Variants in FAM91A1 observed in about 807,000 individuals in gnomAD.
FAM91A1 encodes family with sequence similarity 91 member A1.
In FAM91A1, 41 loss-of-function variants were observed where a neutral mutation model predicts 113.5. The ratio of observed to expected loss-of-function variants is 0.36; its 90% confidence interval spans 0.28 to 0.47. The LOEUF is 0.47. Among genes scored for constraint, FAM91A1 ranks in the 20% least tolerant of loss-of-function variants. The pLI, the probability that FAM91A1 is intolerant of heterozygous loss-of-function variation, is 1.00. For synonymous variants in FAM91A1, 307 were observed against 347.9 expected, an observed-to-expected ratio of 0.88 and a Z score of 1.31; for missense variants, 696 against 1,001.2, an observed-to-expected ratio of 0.70 and a Z score of 4.11.
Position 123,813,643 on chromosome 8 carries a change from C to T in FAM91A1, c.*939C>T, listed in dbSNP as rs1206311929. 2 of 152,166 alleles carry T rather than the reference C, an allele frequency of 1.3e-5. No homozygotes were observed. The highest frequency in any genetic ancestry group is 2.9e-5 in the Non-Finnish European group (2 of 68,022). 9.4% of individuals were successfully genotyped at this position (152,166 alleles called of 1,614,324 possible). ...CCTACTTTGAAGACATACTCTTAAG[C>T]AATCTGGATCTTAAATTTATGTGAA... On this transcript the variant is annotated 3_prime_UTR_variant, in exon 24 of 24. Coordinates refer to ENST00000334705, the MANE Select transcript of FAM91A1 (RefSeq NM_144963.4).
rs142455870 is a variant in FAM91A1, at chr8:123,777,300, G to A, written c.345G>A (p.Leu115=). 4 of 1,611,508 alleles carry A rather than the reference G, an allele frequency of 2.5e-6. No homozygotes were observed. Among genetic ancestry groups the A allele is most frequent in the Middle Eastern group, 1.7e-4 (1 of 6,048 alleles). The change falls in exon 4 of 24, where the codon TTG becomes TTA. Residue 115 remains leucine, a synonymous_variant. Coordinates refer to ENST00000334705, the MANE Select transcript of FAM91A1 (RefSeq NM_144963.4). ...ACAGTGAGAAAAGTTATGATTCATT[G>A]CCCAATTTTACTGCTGCTGACTGTA... The part of the protein sequence containing the change: ...IMNSEKSYDS[L]PNFTAADCLR...
chr8:123,791,690 A>T (rs1202955206), intron 15 of FAM91A1, among the ~76,000 whole-genome samples: 1 of 152,186 alleles, frequency 6.6e-6, no homozygotes, highest in Non-Finnish European at 1.5e-5. Context: ...AGAACATGGA[A>T]ATGATTGGCG....
At chr8:123,789,809 C>T in intron 15 of FAM91A1, 64 bp downstream of exon 15, 2 of 1,557,454 alleles carry the variant, frequency 1.3e-6, no homozygotes, top group Non-Finnish European at 1.8e-6. Context: ...AGAAATTAAA[C>T]AGATCATGCT....
At chr8:123,779,089 G>A (rs562545859) in intron 6 of FAM91A1, among the ~76,000 whole-genome samples, 92 of 152,290 alleles carry the variant, frequency 6.0e-4, no homozygotes, top group African/African-American at 2.1e-3. Context: ...AATACCTGCT[G>A]TGTGCTAGAT....
At chr8:123,781,702 C>G (rs547263327) in intron 8 of FAM91A1, among the ~76,000 whole-genome samples, 2 of 152,266 alleles carry the variant, frequency 1.3e-5, no homozygotes, top group Non-Finnish European at 2.9e-5. Context: ...CCAGGCCAGT[C>G]TTGAACTCCT....
At position 123,798,481 on chromosome 8, in the gene FAM91A1, G is replaced by C. The variant is rs1437611560; in HGVS notation, c.1560+243G>C. 5.3e-5 allele frequency among the ~76,000 whole-genome samples: 8 copies of C among 152,308 alleles called. No individual in the cohort carries two copies. In the South Asian group the frequency reaches 1.5e-3, roughly 28 times the overall value. ...TTATTCATGTACAGAATATTTTAAA[G>C]AGAATGTTTTAGGATGCTCCAGAAA... On this transcript the variant is annotated intron_variant, in intron 16 of 23. Coordinates refer to ENST00000334705, the MANE Select transcript of FAM91A1 (RefSeq NM_144963.4).
chr8:123,768,872 C>A, intron 1 of FAM91A1, 98 bp downstream of exon 1: 1 of 1,231,644 alleles, frequency 8.1e-7, no homozygotes, highest in Non-Finnish European at 1.2e-6. Context: ...CTGCTGCCGG[C>A]TGACTCCCTT....
In FAM91A1 at chr8:123,768,469, A is replaced by G. The variant is rs1814753969; in HGVS notation, c.-234A>G. 2.3e-6 allele frequency: 1 copy of G among 436,064 alleles called. No homozygotes were observed. Among genetic ancestry groups the G allele is most frequent in the Non-Finnish European group, 4.0e-6 (1 of 247,576 alleles). 27.0% of individuals were successfully genotyped at this position (436,064 alleles called of 1,614,324 possible). The stretch of plus-strand genomic sequence containing the variant: ...CATTTCCGGCGGCCCGAAACTAGGA[A>G]GAAACTTGGAGCTGTTCAGGCGATC... On this transcript the variant is annotated 5_prime_UTR_variant, in exon 1 of 24. Coordinates refer to ENST00000334705, the MANE Select transcript of FAM91A1 (RefSeq NM_144963.4).
chr8:123,812,523 G>C lies in FAM91A1; in HGVS notation c.2336G>C (p.Gly779Ala), dbSNP rs749715286. The change falls in exon 24 of 24, where the codon GGT becomes GCT. Residue 779 changes from glycine (G) to alanine (A), a missense_variant. Gly to Ala is a moderately conservative substitution (Grantham distance 60). Transcript: ENST00000334705. ...VLNFVHSFQEGASILDIHTEP... is the reference protein window; with the variant it reads ...VLNFVHSFQEAASILDIHTEP... ...TCTTGTTTCTTGATCTTTTAGGAAG[G>C]TGCTTCAATATTGGATATTCACACA... The C allele has an allele frequency of 6.3e-7, 1 of 1,576,914 alleles. No homozygotes were observed. Among genetic ancestry groups the C allele is most frequent in the Non-Finnish European group, 8.6e-7 (1 of 1,166,212 alleles).
In FAM91A1 at chr8:123,768,458, C is replaced by CGAAACTAGGAA. The variant is rs1311968663; in HGVS notation, c.-238_-228dup. 7.0e-6 allele frequency: 3 copies of CGAAACTAGGAA among 430,272 alleles called. No individual in the cohort carries two copies. In the Admixed American group the frequency reaches 1.3e-4, roughly 19 times the overall value. The allele number at this position is 430,272 out of a possible 1,614,324, so 26.7% of individuals were successfully genotyped here. On this transcript the variant is annotated 5_prime_UTR_variant, in exon 1 of 24. Coordinates refer to ENST00000334705, the MANE Select transcript of FAM91A1 (RefSeq NM_144963.4). ...GTGCCCAGAGCCATTTCCGGCGGCC[C>CGAAACTAGGAA]GAAACTAGGAAGAAACTTGGAGCTG...
At chr8:123,783,966 A>G (rs181488124) in intron 8 of FAM91A1, among the ~76,000 whole-genome samples, 43 of 152,346 alleles carry the variant, frequency 2.8e-4, no homozygotes, top group African/African-American at 8.4e-4. Flanking sequence ...GGTCATGCAG[A>G]TGAATTTCCA....
chr8:123,775,163 A>G lies in FAM91A1; in HGVS notation c.174A>G (p.Lys58=), dbSNP rs1357135758. The G allele has an allele frequency of 6.2e-7, 1 of 1,607,304 alleles. No homozygotes were observed. Residue 58 remains lysine (K), a synonymous_variant, in exon 3 of 24, where the codon AAA becomes AAG. Coordinates refer to ENST00000334705, the MANE Select transcript of FAM91A1 (RefSeq NM_144963.4). ...YRNNLVKHVK[K]DERRYYEELL... Reference sequence around the variant, plus strand: ...TTTGTGCAGTTAAACATGTCAAGAAAGATGAACGCAGATACTATGAGGAAC... The same window carrying G: ...TTTGTGCAGTTAAACATGTCAAGAAGGATGAACGCAGATACTATGAGGAAC...
chr8:123,814,131 C>T lies in FAM91A1; in HGVS notation c.*1427C>T, dbSNP rs1266302070. ...GTCAGTGCTGTGTTTGAGGTAAATGCAGTAACGGTTAGTTTTCTACTTTGT... is the reference window on the plus strand; with the variant it reads ...GTCAGTGCTGTGTTTGAGGTAAATGTAGTAACGGTTAGTTTTCTACTTTGT... On this transcript the variant is annotated 3_prime_UTR_variant, in exon 24 of 24. Transcript: ENST00000334705. 4 of 385,372 alleles carry T rather than the reference C, an allele frequency of 1.0e-5. No homozygotes were observed. The highest frequency in any genetic ancestry group is 2.0e-5 in the Non-Finnish European group (4 of 203,524). 23.9% of individuals were successfully genotyped at this position (385,372 alleles called of 1,614,324 possible).
At chr8:123,776,875 G>A (rs1366143282) in intron 3 of FAM91A1, among the ~76,000 whole-genome samples, 1 of 152,220 alleles carries the variant, frequency 6.6e-6, no homozygotes, top group African/African-American at 2.4e-5. Flanking sequence ...CATTGGTAGT[G>A]CATGTTGATG....
At chr8:123,782,428 A>G (rs1307994937) in intron 8 of FAM91A1, among the ~76,000 whole-genome samples, 2 of 152,230 alleles carry the variant, frequency 1.3e-5, no homozygotes, top group African/African-American at 4.8e-5. Flanking sequence ...AACAAAACAA[A>G]CAAGCACTAT....
intron 15 of FAM91A1, among the ~76,000 whole-genome samples, chr8:123,792,617 G>A (rs1055291265): frequency 6.6e-6 from 1 of 152,230 alleles, no homozygotes; most frequent in Non-Finnish European, 1.5e-5. Flanking sequence ...AATCACAGTT[G>A]TCAAGCTATT....
intron 1 of FAM91A1, among the ~76,000 whole-genome samples, chr8:123,770,984 A>G (rs1814823487): frequency 6.6e-6 from 1 of 152,172 alleles, no homozygotes; most frequent in South Asian, 2.1e-4. Context: ...TTGCTCTTAG[A>G]ATAGGACTTT....
intron 18 of FAM91A1, among the ~76,000 whole-genome samples, chr8:123,802,078 A>T (rs1815698406): frequency 6.6e-6 from 1 of 152,002 alleles, no homozygotes; most frequent in Admixed American, 6.6e-5. Flanking sequence ...CTGTAGATTG[A>T]TGGTAGCAAT....
chr8:123,808,627 CT>C, intron 21 of FAM91A1: 2 of 498,362 alleles, frequency 4.0e-6, no homozygotes, highest in South Asian at 6.3e-5. Context: ...TTGCAATACT[CT>C]TTTTTGGGCA....
Sources: allele counts gnomAD v4.1 joint callset (sites outside exome capture counted in the v4.1 genomes callset), GRCh38; gene constraint gnomAD v4.1.1; transcripts MANE v1.5; gene names NCBI Gene and HGNC (gene_info 2026-07-23, HGNC 2026-07-21).